PLXNA2: variants seen among roughly 807,000 people sequenced by gnomAD.
The protein encoded by PLXNA2 is plexin-A2.
PLXNA2 carries 91 observed loss-of-function variants against 193.5 expected under a neutral mutation model. That is an observed-to-expected ratio of 0.47 (90% CI 0.40 to 0.56). The LOEUF is 0.56. PLXNA2 is among the 20% of genes least tolerant of loss of function. PLXNA2 has a pLI of 0.00. For missense variants in PLXNA2, 1,995 were observed against 2,503.2 expected (o/e 0.80, Z 4.33); for synonymous variants, 997 against 1,027.3 (o/e 0.97, Z 0.56).
chr1:208,201,153 T>C (rs978689025), intron 3 of PLXNA2, among the ~76,000 whole-genome samples: 11 of 152,238 alleles, frequency 7.2e-5, no homozygotes, highest in African/African-American at 2.4e-4. Flanking sequence ...CATAGCAATC[T>C]TGCCAGGCAG....
intron 4 of PLXNA2, among the ~76,000 whole-genome samples, chr1:208,127,028 A>T (rs564162456): frequency 1.3e-5 from 2 of 152,364 alleles, no homozygotes; most frequent in African/African-American, 4.8e-5. Context: ...CAGAAAATTG[A>T]TGCTGACAGC....
rs140131144 is a variant in PLXNA2, at chr1:208,051,367, G to C, written c.3050C>G (p.Pro1017Arg). Residue 1017 changes from proline (P) to arginine (R), a missense_variant, in exon 16 of 32, where the codon CCG becomes CGG. Pro to Arg is a moderately radical substitution (Grantham distance 103). Around this residue, in one of 3 missense-constraint regions of PLXNA2, gnomAD observed 1,291 missense variants for 1,673.6 expected, o/e 0.77. Coordinates refer to ENST00000367033, the MANE Select transcript of PLXNA2 (RefSeq NM_025179.4). ...VSPPSSNGLG[P>R]VPVSVSVDRA... ...GTCGACACTCACAGAAACAGGGACC[G>C]GGCCAAGGCCATTGGATGATGGGGG... 5 of 1,612,712 alleles carry C rather than the reference G, an allele frequency of 3.1e-6. No homozygotes were observed. In the African/African-American group the frequency reaches 5.3e-5, roughly 17 times the overall value.
chr1:208,234,903 C>T (rs74399772), intron 1 of PLXNA2, among the ~76,000 whole-genome samples: 8,615 of 152,238 alleles, frequency 0.057, 357 homozygotes, highest in East Asian at 0.13. Context: ...CGGCAATGCA[C>T]TTACCCAATT....
intron 3 of PLXNA2, among the ~76,000 whole-genome samples, chr1:208,149,848 TAC>T (rs1345032285): frequency 6.6e-6 from 1 of 152,086 alleles, no homozygotes; most frequent in Non-Finnish European, 1.5e-5. Flanking sequence ...CACATACACA[TAC>T]ACACACACTC....
chr1:208,082,009 C>T lies in PLXNA2; in HGVS notation c.2395+403G>A, dbSNP rs1250529309. 6.6e-6 allele frequency among the ~76,000 whole-genome samples: 1 copy of T among 152,070 alleles called. No homozygotes were observed. The highest frequency in any genetic ancestry group is 1.5e-5 in the Non-Finnish European group (1 of 68,012). ...CCCACCTCAGGAACTGGAGAGCAGCCTTAAAAACCCTCTTTGTGCAGTGAT... is the reference window on the plus strand; with the variant it reads ...CCCACCTCAGGAACTGGAGAGCAGCTTTAAAAACCCTCTTTGTGCAGTGAT... On this transcript the variant is annotated intron_variant, in intron 11 of 31. Coordinates refer to ENST00000367033, the MANE Select transcript of PLXNA2 (RefSeq NM_025179.4). This position sits in a 1 kb window ranked among gnomAD's most constrained non-coding sequence, Gnocchi z 4.2.
chr1:208,026,948 G>A lies in PLXNA2; in HGVS notation c.*295C>T, dbSNP rs931936384. On this transcript the variant is annotated 3_prime_UTR_variant, in exon 32 of 32. Transcript: ENST00000367033. ...GTTTTCATGCAAAGCAGCAGTCACA[G>A]AGGCAGAACTGTCCCCAGCTCGTGC... The A allele has an allele frequency of 2.2e-5, 6 of 276,728 alleles. No individual in the cohort carries two copies. The highest frequency in any genetic ancestry group is 5.0e-5 in the Admixed American group (1 of 20,024). The allele number at this position is 276,728 out of a possible 1,614,324, so 17.1% of individuals were successfully genotyped here. A position where few individuals can be genotyped will look rare whatever the true frequency, so the allele number is the denominator to read the frequency against.
intron 3 of PLXNA2, among the ~76,000 whole-genome samples, chr1:208,148,248 T>G (rs183646104): frequency 2.2e-4 from 33 of 152,202 alleles, no homozygotes; most frequent in African/African-American, 7.7e-4. Context: ...CACATTATTA[T>G]TAGTAGTAGT....
intron 4 of PLXNA2, among the ~76,000 whole-genome samples, chr1:208,141,432 C>G (rs983528349): frequency 6.6e-6 from 1 of 152,206 alleles, no homozygotes; most frequent in African/African-American, 2.4e-5. Flanking sequence ...TCAGCTCTAC[C>G]AGCATCCTTC....
intron 18 of PLXNA2, 59 bp downstream of exon 18, chr1:208,045,810 CCAGGAGCGA>C (rs1665043234): frequency 6.3e-7 from 1 of 1,585,776 alleles, no homozygotes. Flanking sequence ...GAAAGTCAGG[CCAGGAGCGA>C]GGGGCGCCCT....
intron 3 of PLXNA2, among the ~76,000 whole-genome samples, chr1:208,148,160 C>T (rs749119293): frequency 1.1e-4 from 16 of 152,200 alleles, no homozygotes; most frequent in Non-Finnish European, 4.4e-5. Context: ...CCTGCAGCCC[C>T]CTCTAAACTC....
intron 13 of PLXNA2, among the ~76,000 whole-genome samples, chr1:208,057,530 G>A (rs1358201237): frequency 6.6e-6 from 1 of 152,222 alleles, no homozygotes; most frequent in Non-Finnish European, 1.5e-5. Context: ...CTTCTTGGTT[G>A]TAGACAACCA....
Position 208,038,999 on chromosome 1 carries a change from C to G in PLXNA2, c.4501-15G>C. On this transcript the variant is annotated splice_polypyrimidine_tract_variant and intron_variant, in intron 24 of 31. Transcript: ENST00000367033. The surrounding 1 kb of genome is among the most constrained non-coding windows in gnomAD (Gnocchi z 4.1). ...CAGTTCAGGATCTACAAGTAGGGGACAGAGGGTGAGCAGGACAGGAGTTGA... is the reference window on the plus strand; with the variant it reads ...CAGTTCAGGATCTACAAGTAGGGGAGAGAGGGTGAGCAGGACAGGAGTTGA... 2.5e-6 allele frequency: 4 copies of G among 1,611,744 alleles called. No individual in the cohort carries two copies. The highest frequency in any genetic ancestry group is 3.4e-6 in the Non-Finnish European group (4 of 1,178,372).
At chr1:208,239,022 G>A (rs964970561) in intron 1 of PLXNA2, among the ~76,000 whole-genome samples, 4 of 152,072 alleles carry the variant, frequency 2.6e-5, no homozygotes, top group African/African-American at 7.2e-5. Flanking sequence ...TGCTGCAGGC[G>A]CCTTCTCATC....
chr1:208,192,251 T>A (rs1201463718), intron 3 of PLXNA2, among the ~76,000 whole-genome samples: 2 of 152,128 alleles, frequency 1.3e-5, no homozygotes, highest in East Asian at 3.9e-4. Context: ...TGGGCCCTGA[T>A]CTGAATTCTT....
In PLXNA2 at chr1:208,213,311, A is replaced by G. The variant is rs535972620; in HGVS notation, c.1189-2849T>C. 2.0e-4 allele frequency among the ~76,000 whole-genome samples: 30 copies of G among 152,310 alleles called. No homozygotes were observed. The South Asian group carries it at 6.2e-3, about 32-fold the overall frequency. On this transcript the variant is annotated intron_variant, in intron 2 of 31. Coordinates refer to ENST00000367033, the MANE Select transcript of PLXNA2 (RefSeq NM_025179.4). ...TGCTCAAATGGTGAGAGCTTGGTGTATGGCTTTCCTTGGAAACAGAAGGGC... is the reference window on the plus strand; with the variant it reads ...TGCTCAAATGGTGAGAGCTTGGTGTGTGGCTTTCCTTGGAAACAGAAGGGC...
chr1:208,223,761 G>A (rs1331167892), intron 1 of PLXNA2, among the ~76,000 whole-genome samples: 1 of 152,168 alleles, frequency 6.6e-6, no homozygotes, highest in Non-Finnish European at 1.5e-5. Context: ...AAGAGTTAGA[G>A]CTACAGCAGA....
At chr1:208,150,880 C>G (rs1668740647) in intron 3 of PLXNA2, among the ~76,000 whole-genome samples, 1 of 152,194 alleles carries the variant, frequency 6.6e-6, no homozygotes, top group African/African-American at 2.4e-5. Context: ...CTGGGTTCTA[C>G]TCTTGGAGAA....
intron 6 of PLXNA2, among the ~76,000 whole-genome samples, chr1:208,097,215 G>T (rs1666929314): frequency 6.6e-6 from 1 of 152,184 alleles, no homozygotes; most frequent in African/African-American, 2.4e-5. Flanking sequence ...AAAATTAATT[G>T]CAAGGCACCA....
intron 3 of PLXNA2, among the ~76,000 whole-genome samples, chr1:208,174,781 T>G (rs991047518): frequency 2.0e-5 from 3 of 152,148 alleles, no homozygotes; most frequent in African/African-American, 7.2e-5. Context: ...AGGCCTTCTC[T>G]CCTCCTCATG....
Sources: allele counts gnomAD v4.1 joint callset (sites outside exome capture counted in the v4.1 genomes callset), GRCh38; gene constraint gnomAD v4.1.1; regional missense constraint gnomAD v4.1.1; non-coding constraint Gnocchi (gnomAD v3.1); transcripts MANE v1.5; gene names NCBI Gene and HGNC (gene_info 2026-07-23, HGNC 2026-07-21).